Variants in TRPV4 observed in about 807,000 individuals in gnomAD.
TRPV4 encodes the protein transient receptor potential cation channel subfamily V member 4.
A neutral mutation model predicts 84.1 loss-of-function variants in TRPV4; 58 were observed. The observed-to-expected ratio is 0.69, with a 90% CI of 0.56 to 0.86. The LOEUF (loss-of-function observed/expected upper bound fraction) is 0.86, where lower values mean the gene tolerates loss of function less well. TRPV4 is among the 40% of genes least tolerant of loss of function. The probability of loss-of-function intolerance (pLI) is 0.00; values close to 1 mark genes in which losing one functional copy is unlikely to be tolerated. For synonymous variants in TRPV4, 489 were observed against 500.9 expected (o/e 0.98, Z 0.32); for missense variants, 879 against 1,181.1 (o/e 0.74, Z 3.75).
intron 1 of TRPV4, among the ~76,000 whole-genome samples, chr12:109,829,075 A>T (rs1404626082): frequency 6.6e-6 from 1 of 152,066 alleles, no homozygotes; most frequent in South Asian, 2.1e-4. Flanking sequence ...GGGAGGCTGA[A>T]GTAGGAGGAT....
chr12:109,831,186 G>A (rs756292619), intron 1 of TRPV4, among the ~76,000 whole-genome samples: 7 of 152,148 alleles, frequency 4.6e-5, no homozygotes, highest in Non-Finnish European at 7.4e-5. Flanking sequence ...TAAACCCCAG[G>A]TGTAGCCACC....
chr12:109,827,619 A>C (rs1315506478), intron 1 of TRPV4, among the ~76,000 whole-genome samples: 1 of 151,948 alleles, frequency 6.6e-6, no homozygotes, highest in Non-Finnish European at 1.5e-5. Flanking sequence ...ACATACATAC[A>C]CACAATATAC....
chr12:109,800,771 G>A lies in TRPV4; in HGVS notation c.713-13C>T, dbSNP rs1361037363. On this transcript the variant is annotated splice_polypyrimidine_tract_variant and intron_variant, in intron 4 of 15. Transcript: ENST00000261740. ...AGGGCTGTCTGACCTGGGGGCAGGG[G>A]ACGGTCATCCAGGGTCCTGGCGGAG... 3.7e-6 allele frequency: 6 copies of A among 1,611,436 alleles called. No homozygotes were observed. The highest frequency in any genetic ancestry group is 5.1e-6 in the Non-Finnish European group (6 of 1,179,370).
At chr12:109,804,603 G>C (rs564587834) in intron 3 of TRPV4, among the ~76,000 whole-genome samples, 1 of 152,194 alleles carries the variant, frequency 6.6e-6, no homozygotes, top group Non-Finnish European at 1.5e-5. Context: ...TAAATGCCGG[G>C]AATCAGTGGG....
At chr12:109,810,943 G>A (rs889166425) in intron 2 of TRPV4, among the ~76,000 whole-genome samples, 1 of 152,074 alleles carries the variant, frequency 6.6e-6, no homozygotes, top group Admixed American at 6.5e-5. Context: ...TGCTGCTCTG[G>A]CCCTTAGTTT....
intron 10 of TRPV4, 72 bp from the exon 11 acceptor site, chr12:109,792,889 C>T (rs1425298495): frequency 9.1e-5 from 138 of 1,521,822 alleles, no homozygotes; most frequent in South Asian, 1.1e-4. Context: ...GGGGAAGACA[C>T]GCCTCCAAGC....
chr12:109,796,096 T>C lies in TRPV4; in HGVS notation c.1332+429A>G, dbSNP rs968268029. ...CTTTCAAAAGTTCATATAACAACCA[T>C]GAGTAGTAAAAGCTGACATAATGTT... On this transcript the variant is annotated intron_variant, in intron 7 of 15. Transcript: ENST00000261740. The surrounding 1 kb of genome is among the most constrained non-coding windows in gnomAD (Gnocchi z 4.2). Among the ~76,000 whole-genome samples, 1 of 152,042 alleles carries C rather than the reference T, an allele frequency of 6.6e-6. No homozygotes were observed. Among genetic ancestry groups the C allele is most frequent in the Non-Finnish European group, 1.5e-5 (1 of 68,004 alleles).
In TRPV4 at chr12:109,784,334, C is replaced by A. The variant is rs202075458; in HGVS notation, c.2440G>T (p.Val814Leu). Residue 814 changes from valine (V) to leucine (L), a missense_variant, in exon 15 of 16, where the codon GTG (valine) becomes TTG (leucine). Around this residue, in one of 4 missense-constraint regions of TRPV4, gnomAD observed 242 missense variants for 355.3 expected, o/e 0.68. Coordinates refer to ENST00000261740, the MANE Select transcript of TRPV4 (RefSeq NM_021625.5). ...TYQYYGFSHT[V>L]GRLRRDRWSS... ...CACTCACCCCTGCGGAGGCGGCCCA[C>A]GGTATGCGAGAAGCCATAATACTGG... The A allele has an allele frequency of 2.5e-6, 4 of 1,614,052 alleles. No homozygotes were observed. Among genetic ancestry groups the A allele is most frequent in the Admixed American group, 1.7e-5 (1 of 60,000 alleles).
chr12:109,826,984 G>A (rs1892268116), intron 1 of TRPV4, among the ~76,000 whole-genome samples: 1 of 152,024 alleles, frequency 6.6e-6, no homozygotes, highest in South Asian at 2.1e-4. Flanking sequence ...CCTGGAACAG[G>A]TCCTGGCACA....
At chr12:109,791,380 CA>C (rs953034028) in intron 12 of TRPV4, among the ~76,000 whole-genome samples, 3 of 145,954 alleles carry the variant, frequency 2.1e-5, no homozygotes, top group Non-Finnish European at 3.0e-5. Context: ...GACCTTGCCA[CA>C]AAAAAAATAA....
chr12:109,785,428 GTTTGT>G (rs983433995), intron 14 of TRPV4, among the ~76,000 whole-genome samples: 2 of 149,146 alleles, frequency 1.3e-5, no homozygotes, highest in African/African-American at 5.0e-5. Context: ...ATTTTTGTTT[GTTTGT>G]TTTAAGGCAG....
chr12:109,786,552 G>A lies in TRPV4; in HGVS notation c.2336+158C>T, dbSNP rs1033261591. ...GAGGCTGAGAGAGGTGGGCTGACTT[G>A]CCTGAGATCGCCTGGTGGAAATGAA... On this transcript the variant is annotated intron_variant, in intron 14 of 15. Transcript: ENST00000261740. The surrounding 1 kb of genome is among the most constrained non-coding windows in gnomAD (Gnocchi z 4.5). 3.3e-5 allele frequency among the ~76,000 whole-genome samples: 5 copies of A among 152,224 alleles called. No individual in the cohort carries two copies. Among genetic ancestry groups the A allele is most frequent in the African/African-American group, 1.2e-4 (5 of 41,456 alleles).
chr12:109,808,560 G>A lies in TRPV4; in HGVS notation c.387-92C>T, dbSNP rs55770749. ...TTAGGGACCCAGAGACTGTGGTGGC[G>A]GGCAGGCAGCTGAAGCCTTACAAGG... On this transcript the variant is annotated intron_variant, in intron 2 of 15. Coordinates refer to ENST00000261740, the MANE Select transcript of TRPV4 (RefSeq NM_021625.5). 1.2e-4 allele frequency: 163 copies of A among 1,337,066 alleles called. No homozygotes were observed. In the East Asian group the frequency reaches 1.3e-3, roughly 10 times the overall value. 82.8% of individuals were successfully genotyped at this position (1,337,066 alleles called of 1,614,324 possible).
rs1258932367 is a variant in TRPV4 at position 109,814,603 on chromosome 12, G to T, written c.194C>A (p.Pro65Gln). ...SRPAGPGDGR[P>Q]NLRMKFQGAF... ...GCCCTGGAACTTCATGCGCAGATTT[G>T]GTCGCCCATCGCCTGGGCCAGCAGG... Residue 65 changes from proline to glutamine, a missense_variant, in exon 2 of 16, where the codon CCA (proline) becomes CAA (glutamine). Physicochemically the swap from Pro to Gln is moderately conservative, Grantham distance 76. Transcript: ENST00000261740. This position sits in a 1 kb window ranked among gnomAD's most constrained non-coding sequence, Gnocchi z 5.4. 6.2e-7 allele frequency: 1 copy of T among 1,614,054 alleles called. No homozygotes were observed. The highest frequency in any genetic ancestry group is 1.1e-5 in the South Asian group (1 of 91,084).
chr12:109,803,240 T>A (rs1890925010), intron 3 of TRPV4, 97 bp from the exon 4 acceptor site: 3 of 1,429,354 alleles, frequency 2.1e-6, no homozygotes, highest in Middle Eastern at 1.8e-4. Flanking sequence ...GGGTCAGATG[T>A]CCTGGCTGTC....
rs1481715558 is a variant in TRPV4 at position 109,803,121 on chromosome 12, GC to G, written c.581del (p.Cys194SerfsTer7). Reference sequence around the variant, plus strand: ...TCAGGTTCAGCAAGGCCTTGGGCAGGCAGGTCTTCCCCGTAGATGGCTCTAG... The same window carrying G: ...TCAGGTTCAGCAAGGCCTTGGGCAGGAGGTCTTCCCCGTAGATGGCTCTAG... ...EFREPSTGKT[C>X]LPKALLNLSN... On this transcript the variant is annotated frameshift_variant, in exon 4 of 16. Transcript: ENST00000261740. LOFTEE classifies it high-confidence loss of function. 1 of 1,614,112 alleles carries G rather than the reference GC, an allele frequency of 6.2e-7. No individual in the cohort carries two copies.
chr12:109,790,754 A>G (rs937766641), intron 12 of TRPV4, among the ~76,000 whole-genome samples: 1 of 151,946 alleles, frequency 6.6e-6, no homozygotes, highest in Non-Finnish European at 1.5e-5. Flanking sequence ...AGTGGCGTCT[A>G]TTTCCCCATC....
chr12:109,788,374 T>G (rs756724446), intron 13 of TRPV4, 26 bp downstream of exon 13: 73 of 1,603,988 alleles, frequency 4.6e-5, no homozygotes, highest in Middle Eastern at 1.7e-4. Context: ...GCTGGTAGAG[T>G]GGGGCTGGGG....
At chr12:109,825,761 G>A (rs1484700330) in intron 1 of TRPV4, among the ~76,000 whole-genome samples, 2 of 152,168 alleles carry the variant, frequency 1.3e-5, no homozygotes, top group Non-Finnish European at 1.5e-5. Context: ...CAAAAGTCCC[G>A]AGTTTGCCAA....
Sources: gnomAD v4.1 joint callset for allele counts (sites outside exome capture counted in the v4.1 genomes callset) on GRCh38, gnomAD v4.1.1 for gene constraint, gnomAD v4.1.1 regional missense constraint, Gnocchi (gnomAD v3.1) non-coding constraint, MANE v1.5 for transcripts, NCBI Gene and HGNC (gene_info 2026-07-23, HGNC 2026-07-21) for gene names.